Variants in EDIL3 observed in about 807,000 individuals in gnomAD.
EDIL3 encodes the protein EGF-like repeat and discoidin I-like domain-containing protein 3.
In EDIL3, 37 loss-of-function variants were observed where a neutral mutation model predicts 67.4. The observed-to-expected ratio is 0.55, with a 90% CI of 0.42 to 0.72. The LOEUF is 0.72. Ranked by LOEUF, EDIL3 falls within the 30% of genes least tolerant of loss-of-function variation. The pLI, the probability that EDIL3 is intolerant of heterozygous loss-of-function variation, is 0.00. For synonymous variants in EDIL3, 195 were observed against 196.3 expected, an observed-to-expected ratio of 0.99 and a Z score of 0.05; for missense variants, 527 against 586.3, an observed-to-expected ratio of 0.90 and a Z score of 1.04.
In EDIL3 at chr5:84,282,787, T is replaced by G. The variant is rs980920738; in HGVS notation, c.68-28575A>C. Reference sequence around the variant, plus strand: ...ATCAATGAGTATAGTATCATATCAATGCATTGTTTTAGCTTGCATTTCTCT... The same window carrying G: ...ATCAATGAGTATAGTATCATATCAAGGCATTGTTTTAGCTTGCATTTCTCT... On this transcript the variant is annotated intron_variant, in intron 1 of 10. Coordinates refer to ENST00000296591, the MANE Select transcript of EDIL3 (RefSeq NM_005711.5). Among the ~76,000 whole-genome samples, 3 of 152,248 alleles carry G rather than the reference T, an allele frequency of 2.0e-5. No individual in the cohort carries two copies. The South Asian group carries it at 6.2e-4, about 31-fold the overall frequency.
At chr5:83,974,502 A>G (rs1216496063) in intron 9 of EDIL3, among the ~76,000 whole-genome samples, 2 of 151,986 alleles carry the variant, frequency 1.3e-5, no homozygotes, top group African/African-American at 4.8e-5. Flanking sequence ...TTTTTGTTCA[A>G]AGATCAGAGT....
chr5:84,171,943 A>G (rs751076380), intron 4 of EDIL3, among the ~76,000 whole-genome samples: 4 of 152,170 alleles, frequency 2.6e-5, no homozygotes, highest in Admixed American at 6.5e-5. Flanking sequence ...ACCCATTTGC[A>G]TCACTTTCAT....
Position 84,361,437 on chromosome 5 carries a change from T to C in EDIL3, c.67+22871A>G, listed in dbSNP as rs1580101589. On this transcript the variant is annotated intron_variant, in intron 1 of 10. Transcript: ENST00000296591. Reference sequence around the variant, plus strand: ...TATAAATAGAAGAGGCACTTATTTATGCAAAATGATTGAAGTGCAACCCTT... The same window carrying C: ...TATAAATAGAAGAGGCACTTATTTACGCAAAATGATTGAAGTGCAACCCTT... Among the ~76,000 whole-genome samples, 3 of 152,246 alleles carry C rather than the reference T, an allele frequency of 2.0e-5. No individual in the cohort carries two copies. In the South Asian group the frequency reaches 6.2e-4, roughly 32 times the overall value.
At chr5:83,993,933 C>G (rs1561396749) in intron 9 of EDIL3, among the ~76,000 whole-genome samples, 1 of 152,128 alleles carries the variant, frequency 6.6e-6, no homozygotes, top group Non-Finnish European at 1.5e-5. Context: ...AAATATGTTA[C>G]CAATTCTACT....
intron 4 of EDIL3, among the ~76,000 whole-genome samples, chr5:84,142,406 G>A (rs12659059): frequency 0.014 from 2,118 of 152,040 alleles, 38 homozygotes; most frequent in East Asian, 0.038. Context: ...AAACTAATTA[G>A]TAAGTAATTA....
At position 84,384,109 on chromosome 5, in the gene EDIL3, C is replaced by T. The variant is rs888023145; in HGVS notation, c.67+199G>A. ...CACCCCGGTACCCCGCACCCTTCTC[C>T]CCGCTCGGCCCCGCGCACTCTGCTC... On this transcript the variant is annotated intron_variant, in intron 1 of 10. Transcript: ENST00000296591. 2.6e-5 allele frequency among the ~76,000 whole-genome samples: 4 copies of T among 152,130 alleles called. No individual in the cohort carries two copies. In the South Asian group the frequency reaches 8.3e-4, roughly 32 times the overall value.
chr5:84,079,452 G>A (rs1354337285), intron 6 of EDIL3, among the ~76,000 whole-genome samples: 1 of 151,942 alleles, frequency 6.6e-6, no homozygotes, highest in Non-Finnish European at 1.5e-5. Flanking sequence ...AGTAACTGTA[G>A]AATACTCAGT....
intron 9 of EDIL3, among the ~76,000 whole-genome samples, chr5:83,983,115 T>C (rs1037566301): frequency 2.0e-5 from 3 of 152,156 alleles, no homozygotes; most frequent in Admixed American, 1.3e-4. Context: ...TGAACTAGTA[T>C]GGGTTTTAGT....
intron 1 of EDIL3, among the ~76,000 whole-genome samples, chr5:84,315,338 T>C (rs2112148401): frequency 6.6e-6 from 1 of 152,328 alleles, no homozygotes; most frequent in East Asian, 1.9e-4. Flanking sequence ...CATTCAACTC[T>C]TAATTCCTCA....
intron 3 of EDIL3, among the ~76,000 whole-genome samples, chr5:84,199,833 C>T (rs979593378): frequency 2.6e-5 from 4 of 151,960 alleles, no homozygotes; most frequent in Non-Finnish European, 5.9e-5. Flanking sequence ...GTTTAAAGCT[C>T]CATCAGCAGT....
In EDIL3 at chr5:83,942,266, T is replaced by A. The variant is rs777878937; in HGVS notation, c.*1153A>T. Reference sequence around the variant, plus strand: ...AATCAGTTTTCATCTTGAAAATGGTTTACTACTTTGTCATTAGTAAACACT... The same window carrying A: ...AATCAGTTTTCATCTTGAAAATGGTATACTACTTTGTCATTAGTAAACACT... On this transcript the variant is annotated 3_prime_UTR_variant, in exon 11 of 11. Transcript: ENST00000296591. 2.6e-5 allele frequency: 4 copies of A among 151,994 alleles called. No homozygotes were observed. The highest frequency in any genetic ancestry group is 5.9e-5 in the Non-Finnish European group (4 of 67,940). The allele number at this position is 151,994 out of a possible 1,614,324, so 9.4% of individuals were successfully genotyped here.
At chr5:84,307,517 T>C (rs1268336801) in intron 1 of EDIL3, among the ~76,000 whole-genome samples, 1 of 152,118 alleles carries the variant, frequency 6.6e-6, no homozygotes, top group Admixed American at 6.6e-5. Flanking sequence ...ATCAGTATAG[T>C]TTCTGGGAAG....
chr5:83,948,383 T>G (rs968787081), intron 10 of EDIL3, among the ~76,000 whole-genome samples: 1 of 151,732 alleles, frequency 6.6e-6, no homozygotes, highest in South Asian at 2.1e-4. Flanking sequence ...GAGTTACAAC[T>G]TGAATCAACG....
chr5:84,112,736 T>C (rs1176033767), intron 5 of EDIL3, among the ~76,000 whole-genome samples: 1 of 152,188 alleles, frequency 6.6e-6, no homozygotes. Context: ...ATCTGTTTTC[T>C]CACAAGATAG....
chr5:84,064,977 T>C (rs943641400), intron 7 of EDIL3, 133 bp from the exon 8 acceptor site: 15 of 1,174,224 alleles, frequency 1.3e-5, no homozygotes, highest in African/African-American at 3.1e-5. Context: ...ATGGAGCATT[T>C]GAGAAGTGCC....
At chr5:84,002,002 A>G (rs1256926574) in intron 9 of EDIL3, among the ~76,000 whole-genome samples, 1 of 152,096 alleles carries the variant, frequency 6.6e-6, no homozygotes, top group Non-Finnish European at 1.5e-5. Context: ...CTATAAGCCA[A>G]TATCTCTGGT....
intron 5 of EDIL3, 35 bp downstream of exon 5, chr5:84,137,184 TACACACACACACACACACACAC>T (rs70975542): frequency 6.7e-6 from 6 of 901,892 alleles, no homozygotes; most frequent in Non-Finnish European, 1.0e-5. Context: ...TGTGTATACA[TACACACACACACACACACACAC>T]ACACACACAC....
chr5:84,125,608 C>A (rs890394623), intron 5 of EDIL3, among the ~76,000 whole-genome samples: 4 of 151,952 alleles, frequency 2.6e-5, no homozygotes, highest in African/African-American at 9.7e-5. Flanking sequence ...TGATTTGAAA[C>A]TGATGTGCAC....
chr5:84,297,509 G>A (rs982763621), intron 1 of EDIL3, among the ~76,000 whole-genome samples: 4 of 152,150 alleles, frequency 2.6e-5, no homozygotes, highest in African/African-American at 9.7e-5. Flanking sequence ...ATTTCTTGGG[G>A]TGAACAGACC....
Sources: gnomAD v4.1 joint callset for allele counts (sites outside exome capture counted in the v4.1 genomes callset) on GRCh38, gnomAD v4.1.1 for gene constraint, MANE v1.5 for transcripts, NCBI Gene and HGNC (gene_info 2026-07-23, HGNC 2026-07-21) for gene names.